SOHLH2: variants seen among roughly 807,000 people sequenced by gnomAD.
SOHLH2 encodes spermatogenesis and oogenesis specific basic helix-loop-helix 2.
SOHLH2 carries 22 observed loss-of-function variants against 50.4 expected under a neutral mutation model. That is an observed-to-expected ratio of 0.44 (90% CI 0.31 to 0.62). SOHLH2 has a LOEUF of 0.62. Among genes scored for constraint, SOHLH2 ranks in the 20% least tolerant of loss-of-function variants. The probability of loss-of-function intolerance (pLI) is 0.08; values close to 1 mark genes in which losing one functional copy is unlikely to be tolerated. For synonymous variants in SOHLH2, 185 were observed against 187.3 expected, an observed-to-expected ratio of 0.99 and a Z score of 0.10; for missense variants, 412 against 504.4, an observed-to-expected ratio of 0.82 and a Z score of 1.76.
chr13:36,191,767 C>T, intron 5 of SOHLH2, 28 bp downstream of exon 5: 2 of 1,611,770 alleles, frequency 1.2e-6, no homozygotes, highest in Non-Finnish European at 8.5e-7. Flanking sequence ...AAAAATATTG[C>T]TATTATGAAA....
chr13:36,204,604 G>A (rs1868642590), intron 1 of SOHLH2, among the ~76,000 whole-genome samples: 1 of 151,998 alleles, frequency 6.6e-6, no homozygotes, highest in Non-Finnish European at 1.5e-5. Flanking sequence ...GTGTGTGGGG[G>A]TGTGTGTGTG....
chr13:36,208,795 C>T (rs1437659115), intron 1 of SOHLH2, among the ~76,000 whole-genome samples: 1 of 152,172 alleles, frequency 6.6e-6, no homozygotes, highest in Non-Finnish European at 1.5e-5. Flanking sequence ...AGTCTGAAAA[C>T]ATCTTCACTG....
At chr13:36,203,321 G>A (rs1318677620) in intron 1 of SOHLH2, among the ~76,000 whole-genome samples, 1 of 152,062 alleles carries the variant, frequency 6.6e-6, no homozygotes, top group African/African-American at 2.4e-5. Flanking sequence ...GATTCACTGG[G>A]AACATTCTCA....
chr13:36,170,384 T>G, intron 10 of SOHLH2, 147 bp downstream of exon 10: 1 of 1,370,756 alleles, frequency 7.3e-7, no homozygotes, highest in South Asian at 1.5e-5. Context: ...CTGCACCTCC[T>G]TTTCACTCAT....
At chr13:36,186,462 T>C (rs1430988582) in intron 6 of SOHLH2, among the ~76,000 whole-genome samples, 3 of 152,312 alleles carry the variant, frequency 2.0e-5, no homozygotes, top group South Asian at 4.1e-4. Context: ...CTGGGCCAGA[T>C]ACAACTTGGA....
chr13:36,206,595 T>G (rs146465059), intron 1 of SOHLH2, among the ~76,000 whole-genome samples: 2 of 152,126 alleles, frequency 1.3e-5, no homozygotes, highest in African/African-American at 4.8e-5. Context: ...ATTTTCTTCA[T>G]AGCCTAATAC....
chr13:36,180,191 A>G (rs1169828862), intron 6 of SOHLH2, among the ~76,000 whole-genome samples: 1 of 152,200 alleles, frequency 6.6e-6, no homozygotes, highest in Non-Finnish European at 1.5e-5. Context: ...TGTTCAAAGT[A>G]TACTCTTTTG....
chr13:36,182,653 C>T (rs1162549538), intron 6 of SOHLH2: 1 of 152,230 alleles, frequency 6.6e-6, no homozygotes. Flanking sequence ...CCAGACAGGC[C>T]AGTTTTGCTG....
chr13:36,199,213 A>G (rs773925511), intron 2 of SOHLH2, among the ~76,000 whole-genome samples: 4 of 152,202 alleles, frequency 2.6e-5, no homozygotes, highest in Non-Finnish European at 4.4e-5. Context: ...GGTTTAAACA[A>G]TTCATAAACT....
At chr13:36,183,248 C>A in intron 6 of SOHLH2, 1 of 278,794 alleles carries the variant, frequency 3.6e-6, no homozygotes, top group South Asian at 3.6e-5. Flanking sequence ...ATTACTCAGT[C>A]TCTGGTATTT....
At chr13:36,200,806 T>C (rs1887878363) in intron 2 of SOHLH2, among the ~76,000 whole-genome samples, 1 of 151,800 alleles carries the variant, frequency 6.6e-6, no homozygotes, top group Admixed American at 6.6e-5. Context: ...ATCCCAGCAC[T>C]TTGGGAGGCC....
At chr13:36,174,451 A>C (rs1887047514) in intron 8 of SOHLH2, 25 bp downstream of exon 8, 1 of 1,609,228 alleles carries the variant, frequency 6.2e-7, no homozygotes, top group Admixed American at 1.7e-5. Context: ...AGCAGACTTC[A>C]GATTCGCAAA....
chr13:36,173,684 A>C lies in SOHLH2; in HGVS notation c.1000+8T>G. The C allele has an allele frequency of 6.2e-7, 1 of 1,612,498 alleles. No individual in the cohort carries two copies. The highest frequency in any genetic ancestry group is 8.5e-7 in the Non-Finnish European group (1 of 1,179,842). ...CTCTAAGTGGCACAGATGCTAGGAGAAGCTCACCTCTCACAGCTTCATCCA... is the reference window on the plus strand; with the variant it reads ...CTCTAAGTGGCACAGATGCTAGGAGCAGCTCACCTCTCACAGCTTCATCCA... On this transcript the variant is annotated splice_region_variant and intron_variant, in intron 9 of 10. Transcript: ENST00000379881.
At chr13:36,186,046 T>G (rs578219385) in intron 6 of SOHLH2, among the ~76,000 whole-genome samples, 5 of 152,132 alleles carry the variant, frequency 3.3e-5, no homozygotes, top group African/African-American at 1.2e-4. Flanking sequence ...ATATCTTTCA[T>G]AAACACAGAT....
intron 6 of SOHLH2, among the ~76,000 whole-genome samples, chr13:36,187,180 G>A (rs766814263): frequency 1.3e-5 from 2 of 152,124 alleles, no homozygotes; most frequent in African/African-American, 2.4e-5. Context: ...TCTACTAGAT[G>A]AGTGGTTTTA....
chr13:36,185,630 C>T (rs2138287795), intron 6 of SOHLH2, among the ~76,000 whole-genome samples: 1 of 151,902 alleles, frequency 6.6e-6, no homozygotes, highest in South Asian at 2.1e-4. Flanking sequence ...TTTTGCTAGA[C>T]TGATCAAGAA....
chr13:36,192,216 G>A (rs1382387679), intron 4 of SOHLH2, among the ~76,000 whole-genome samples: 1 of 152,156 alleles, frequency 6.6e-6, no homozygotes, highest in Non-Finnish European at 1.5e-5. Flanking sequence ...AATGTCAGGA[G>A]ACAAAAAACA....
rs1014462466 is a variant in SOHLH2, at chr13:36,168,273, C to T, written c.*761G>A. The T allele has an allele frequency of 6.6e-6, 1 of 152,326 alleles. No homozygotes were observed. 9.4% of individuals were successfully genotyped at this position (152,326 alleles called of 1,614,324 possible). A position where few individuals can be genotyped will look rare whatever the true frequency, so the allele number is the denominator to read the frequency against. Reference sequence around the variant, plus strand: ...ATAAAACTTACATATAAGAACAATTCAGTGAAATATAAAACAAACCTTTTT... The same window carrying T: ...ATAAAACTTACATATAAGAACAATTTAGTGAAATATAAAACAAACCTTTTT... On this transcript the variant is annotated 3_prime_UTR_variant, in exon 11 of 11. Transcript: ENST00000379881.
At chr13:36,201,079 AAAG>A (rs1478449598) in intron 2 of SOHLH2, among the ~76,000 whole-genome samples, 1 of 151,010 alleles carries the variant, frequency 6.6e-6, no homozygotes, top group Non-Finnish European at 1.5e-5. Flanking sequence ...AAAGAAAAGA[AAAG>A]AAGCAGAACT....
Sources: gnomAD v4.1 joint callset for allele counts (sites outside exome capture counted in the v4.1 genomes callset) on GRCh38, gnomAD v4.1.1 for gene constraint, MANE v1.5 for transcripts, NCBI Gene and HGNC (gene_info 2026-07-23, HGNC 2026-07-21) for gene names.